Variants in STPG2 observed in about 807,000 individuals in gnomAD.
The protein encoded by STPG2 is sperm-tail PG-rich repeat-containing protein 2.
Under a neutral mutation model 54.2 loss-of-function variants are expected in STPG2, and 56 were observed. That is an observed-to-expected ratio of 1.03 (90% CI 0.83 to 1.29). The LOEUF (loss-of-function observed/expected upper bound fraction) is 1.29, where lower values mean the gene tolerates loss of function less well. STPG2 is among the 50% of genes most tolerant of loss of function. The pLI, the probability that STPG2 is intolerant of heterozygous loss-of-function variation, is 0.00. For synonymous variants in STPG2, 200 were observed against 181.8 expected (o/e 1.10, Z -0.81); for missense variants, 596 against 544.9 (o/e 1.09, Z -0.93).
intron 5 of STPG2, among the ~76,000 whole-genome samples, chr4:98,039,176 T>C (rs1292232429): frequency 4.0e-5 from 6 of 151,880 alleles, no homozygotes; most frequent in Admixed American, 3.9e-4. Flanking sequence ...AGTGCAACAT[T>C]ATTTGTAATA....
At chr4:97,879,652 G>T (rs1364319597) in intron 8 of STPG2, among the ~76,000 whole-genome samples, 1 of 152,110 alleles carries the variant, frequency 6.6e-6, no homozygotes, top group Admixed American at 6.5e-5. Context: ...TACAATTCAA[G>T]ATAAGATTTG....
At chr4:98,117,248 G>A (rs890683410) in intron 3 of STPG2, among the ~76,000 whole-genome samples, 15 of 151,944 alleles carry the variant, frequency 9.9e-5, no homozygotes, top group African/African-American at 3.4e-4. Context: ...TCAACACTTT[G>A]AATAAGTCAT....
chr4:98,089,447 G>C (rs1578845021), intron 5 of STPG2, among the ~76,000 whole-genome samples: 1 of 151,626 alleles, frequency 6.6e-6, no homozygotes. Flanking sequence ...TTGTCCTCTC[G>C]TTGGTCGATG....
At chr4:97,738,130 G>A (rs890133771) in intron 9 of STPG2, among the ~76,000 whole-genome samples, 1 of 152,100 alleles carries the variant, frequency 6.6e-6, no homozygotes, top group East Asian at 1.9e-4. Flanking sequence ...AAGTGAAGGA[G>A]AAACAAAATA....
intron 10 of STPG2, among the ~76,000 whole-genome samples, chr4:97,686,969 C>T (rs1457013640): frequency 6.8e-6 from 1 of 147,312 alleles, no homozygotes; most frequent in Admixed American, 6.8e-5. Flanking sequence ...GAGAGTGAGT[C>T]TCGCTCTGTC....
intron 8 of STPG2, among the ~76,000 whole-genome samples, chr4:97,940,819 A>ACTC (rs1361181958): frequency 6.6e-6 from 1 of 151,956 alleles, no homozygotes; most frequent in Non-Finnish European, 1.5e-5. Context: ...ATGTCATCAA[A>ACTC]CTCCTGCCTC....
At chr4:97,898,057 A>G (rs560384086) in intron 8 of STPG2, among the ~76,000 whole-genome samples, 1 of 152,216 alleles carries the variant, frequency 6.6e-6, no homozygotes, top group East Asian at 1.9e-4. Flanking sequence ...TAAGTCTTTA[A>G]TCCATCCTGA....
At chr4:97,932,486 T>A (rs1039121856) in intron 8 of STPG2, among the ~76,000 whole-genome samples, 5 of 152,114 alleles carry the variant, frequency 3.3e-5, no homozygotes, top group African/African-American at 9.7e-5. Context: ...AAGCCTCACA[T>A]GCATTAGCTA....
chr4:97,940,265 T>A (rs1215053), intron 8 of STPG2, among the ~76,000 whole-genome samples: 134,463 of 152,158 alleles, frequency 0.88, 59,816 homozygotes, highest in African/African-American at 0.98. Context: ...AAATCTGAGG[T>A]TTCTGTGTCT....
chr4:97,887,904 G>C (rs895532123), intron 8 of STPG2, among the ~76,000 whole-genome samples: 14 of 152,172 alleles, frequency 9.2e-5, no homozygotes, highest in Non-Finnish European at 2.9e-5. Context: ...ACTGCTCCCT[G>C]CATCCCAGCC....
At chr4:97,853,078 G>A (rs779808964) in intron 8 of STPG2, among the ~76,000 whole-genome samples, 2 of 132,734 alleles carry the variant, frequency 1.5e-5, no homozygotes, top group Non-Finnish European at 3.1e-5. Context: ...CCGGGTTCAC[G>A]CCATTCCCCT....
intron 5 of STPG2, among the ~76,000 whole-genome samples, chr4:98,002,420 C>T (rs1326699554): frequency 6.6e-6 from 1 of 151,824 alleles, no homozygotes; most frequent in East Asian, 1.9e-4. Flanking sequence ...TAGAATTTCC[C>T]ATATCTTCTG....
At chr4:97,714,329 C>G (rs1160989597) in intron 9 of STPG2, among the ~76,000 whole-genome samples, 12 of 152,082 alleles carry the variant, frequency 7.9e-5, no homozygotes, top group Admixed American at 7.2e-4. Flanking sequence ...AGAAGGACAT[C>G]TAGGCTCTAG....
chr4:97,958,384 A>G (rs912248435), intron 7 of STPG2, among the ~76,000 whole-genome samples: 6 of 152,066 alleles, frequency 3.9e-5, no homozygotes, highest in Non-Finnish European at 8.8e-5. Context: ...ATAGTACCTC[A>G]TATCTCAATA....
At chr4:97,992,001 C>T (rs1163268297) in intron 5 of STPG2, among the ~76,000 whole-genome samples, 1 of 151,980 alleles carries the variant, frequency 6.6e-6, no homozygotes, top group Admixed American at 6.6e-5. Flanking sequence ...AATATTAGTC[C>T]TTTCTCAGAT....
chr4:97,760,232 C>T (rs1725849839), intron 9 of STPG2, among the ~76,000 whole-genome samples: 1 of 152,168 alleles, frequency 6.6e-6, no homozygotes, highest in South Asian at 2.1e-4. Context: ...CCCCACTGGA[C>T]TAAAAGATCA....
At chr4:98,097,005 G>T (rs891360288) in intron 5 of STPG2, among the ~76,000 whole-genome samples, 2 of 152,046 alleles carry the variant, frequency 1.3e-5, no homozygotes, top group Admixed American at 6.6e-5. Context: ...AGAAAAGCCT[G>T]GGACGTGATG....
intron 10 of STPG2, among the ~76,000 whole-genome samples, chr4:97,617,503 T>C (rs1032188911): frequency 1.3e-5 from 2 of 152,188 alleles, no homozygotes; most frequent in African/African-American, 4.8e-5. Flanking sequence ...TCCACTTGCA[T>C]TGCAAACACT....
chr4:97,771,453 A>G (rs2149062704), intron 9 of STPG2, among the ~76,000 whole-genome samples: 1 of 152,186 alleles, frequency 6.6e-6, no homozygotes, highest in South Asian at 2.1e-4. Context: ...ATGACAAAGA[A>G]GTTTGTCAGT....
Sources: allele counts gnomAD v4.1 joint callset (sites outside exome capture counted in the v4.1 genomes callset), GRCh38; gene constraint gnomAD v4.1.1; transcripts MANE v1.5; gene names NCBI Gene and HGNC (gene_info 2026-07-23, HGNC 2026-07-21).